The following ZNF423 variants were observed in gnomAD, a reference collection of about 807,000 sequenced individuals.
The protein encoded by ZNF423 is Ebf-associated zinc finger protein.
A neutral mutation model predicts 95.8 loss-of-function variants in ZNF423; 12 were observed. That is an observed-to-expected ratio of 0.13 (90% confidence interval 0.08 to 0.20). ZNF423 has a LOEUF of 0.20. Among genes scored for constraint, ZNF423 ranks in the 10% least tolerant of loss-of-function variants. ZNF423 has a pLI of 1.00. For missense variants in ZNF423, 1,316 were observed against 1,737.1 expected (o/e 0.76, Z 4.31); for synonymous variants, 749 against 711.9 (o/e 1.05, Z -0.83).
intron 5 of ZNF423, among the ~76,000 whole-genome samples, chr16:49,551,941 C>T (rs1261509822): frequency 6.6e-6 from 1 of 152,234 alleles, no homozygotes; most frequent in East Asian, 1.9e-4. Flanking sequence ...ATCTGTGGTT[C>T]TGTTTTAGGG....
intron 3 of ZNF423, among the ~76,000 whole-genome samples, chr16:49,652,648 G>T (rs949913751): frequency 6.6e-6 from 1 of 152,234 alleles, no homozygotes; most frequent in Admixed American, 6.5e-5. Flanking sequence ...AAGGGCCTGA[G>T]CAAAGGGCGC....
At chr16:49,709,909 C>G (rs959011443) in intron 3 of ZNF423, among the ~76,000 whole-genome samples, 13 of 152,220 alleles carry the variant, frequency 8.5e-5, no homozygotes, top group African/African-American at 3.1e-4. Flanking sequence ...CACAATCAGT[C>G]TCAGATATTT....
chr16:49,702,726 G>T (rs1423220414), intron 3 of ZNF423, among the ~76,000 whole-genome samples: 2 of 152,252 alleles, frequency 1.3e-5, no homozygotes, highest in Non-Finnish European at 2.9e-5. Context: ...GGTGATGGGG[G>T]CCAGAGATGG....
chr16:49,572,672 T>G (rs1018655665), intron 5 of ZNF423, among the ~76,000 whole-genome samples: 1 of 151,954 alleles, frequency 6.6e-6, no homozygotes, highest in Non-Finnish European at 1.5e-5. Context: ...AGGCTGCTTG[T>G]GGGGAGACCA....
chr16:49,628,829 C>T (rs1972398308), intron 4 of ZNF423, among the ~76,000 whole-genome samples: 1 of 152,158 alleles, frequency 6.6e-6, no homozygotes, highest in Non-Finnish European at 1.5e-5. Flanking sequence ...AGAGTTGTTC[C>T]AAAGAGTGAA....
Position 49,491,231 on chromosome 16 carries a change from C to T in ZNF423, c.*44G>A. ...GTTCAAATGGCCCTCCCCACGGCGT[C>T]TCCGGCAAGCCTTCTGCGGAGAGGT... On this transcript the variant is annotated 3_prime_UTR_variant, in exon 8 of 8. Coordinates refer to ENST00000563137, the MANE Select transcript of ZNF423 (RefSeq NM_001379286.1). 1.9e-6 allele frequency: 3 copies of T among 1,613,766 alleles called. No homozygotes were observed. Among genetic ancestry groups the T allele is most frequent in the Non-Finnish European group, 2.5e-6 (3 of 1,179,786 alleles).
intron 2 of ZNF423, among the ~76,000 whole-genome samples, chr16:49,771,157 A>ACCCAAAT (rs1278117531): frequency 7.8e-6 from 1 of 128,904 alleles, no homozygotes; most frequent in African/African-American, 2.9e-5. Context: ...CTGTGTCCCC[A>ACCCAAAT]CCCAAATCTC....
intron 2 of ZNF423, chr16:49,764,444 T>G (rs1025736760): frequency 6.5e-6 from 1 of 154,648 alleles, no homozygotes; most frequent in African/African-American, 2.4e-5. Flanking sequence ...GAGACTTAAA[T>G]CCAAGGTCAG....
chr16:49,853,576 G>T, intron 1 of ZNF423: 1 of 932,990 alleles, frequency 1.1e-6, no homozygotes, highest in Non-Finnish European at 1.3e-6. Flanking sequence ...GTCTCGAAAT[G>T]CCTCCACTGG....
intron 1 of ZNF423, among the ~76,000 whole-genome samples, chr16:49,848,857 G>T (rs1025345630): frequency 6.6e-6 from 1 of 152,120 alleles, no homozygotes; most frequent in Admixed American, 6.5e-5. Flanking sequence ...ACCTCGCACC[G>T]CAGTGTATCA....
intron 3 of ZNF423, among the ~76,000 whole-genome samples, chr16:49,652,302 A>G (rs1973438528): frequency 6.6e-6 from 1 of 152,114 alleles, no homozygotes; most frequent in Admixed American, 6.5e-5. Context: ...GATATTGAAA[A>G]TGCAATTGAG....
intron 2 of ZNF423, among the ~76,000 whole-genome samples, chr16:49,758,829 G>C (rs1016264709): frequency 1.3e-5 from 2 of 152,156 alleles, no homozygotes; most frequent in Non-Finnish European, 2.9e-5. Context: ...AGTGGCAAGG[G>C]GTACACACGT....
chr16:49,785,616 G>A (rs1463931758), intron 2 of ZNF423, among the ~76,000 whole-genome samples: 1 of 152,118 alleles, frequency 6.6e-6, no homozygotes, highest in African/African-American at 2.4e-5. Context: ...TAAAACCTCT[G>A]AAGATCTGGC....
intron 2 of ZNF423, among the ~76,000 whole-genome samples, chr16:49,766,975 CTT>C (rs1266592994): frequency 5.5e-5 from 8 of 144,702 alleles, no homozygotes; most frequent in Non-Finnish European, 4.6e-5. Context: ...TTCTTTCTTT[CTT>C]TTTTTTTTTT....
At chr16:49,746,247 C>T (rs557039229) in intron 2 of ZNF423, among the ~76,000 whole-genome samples, 5 of 152,260 alleles carry the variant, frequency 3.3e-5, no homozygotes, top group South Asian at 4.2e-4. Context: ...AAAGGAATCA[C>T]CTGGCCACTG....
chr16:49,529,610 C>CA (rs1968764018), intron 5 of ZNF423, among the ~76,000 whole-genome samples: 3 of 152,076 alleles, frequency 2.0e-5, no homozygotes. Flanking sequence ...CTTTTGTCTC[C>CA]AAAAGCATTT....
At chr16:49,809,309 C>A (rs551202634) in intron 1 of ZNF423, among the ~76,000 whole-genome samples, 30 of 152,338 alleles carry the variant, frequency 2.0e-4, no homozygotes, top group African/African-American at 6.7e-4. Flanking sequence ...TGGCAGGGGC[C>A]GGCCCGGCCC....
At chr16:49,694,789 C>A (rs954598286) in intron 3 of ZNF423, among the ~76,000 whole-genome samples, 3 of 152,236 alleles carry the variant, frequency 2.0e-5, no homozygotes, top group African/African-American at 7.2e-5. Flanking sequence ...AGGATTACTC[C>A]TAACAGCATC....
At chr16:49,550,220 G>A (rs1969584726) in intron 5 of ZNF423, among the ~76,000 whole-genome samples, 1 of 152,192 alleles carries the variant, frequency 6.6e-6, no homozygotes. Context: ...TGATGACCTA[G>A]CTGCACATTA....
Sources: gnomAD v4.1 joint callset for allele counts (sites outside exome capture counted in the v4.1 genomes callset) on GRCh38, gnomAD v4.1.1 for gene constraint, MANE v1.5 for transcripts, NCBI Gene and HGNC (gene_info 2026-07-23, HGNC 2026-07-21) for gene names.